Variants in RSRC1 observed in about 807,000 individuals in gnomAD.
RSRC1 encodes the protein arginine and serine rich coiled-coil 1, also known as serine/Arginine-related protein 53.
In RSRC1, 39 loss-of-function variants were observed where a neutral mutation model predicts 49.1. That is an observed-to-expected ratio of 0.79 (90% CI 0.61 to 1.04). The LOEUF (loss-of-function observed/expected upper bound fraction) is 1.04, where lower values mean the gene tolerates loss of function less well. RSRC1 is among the 50% of genes least tolerant of loss of function. The probability of loss-of-function intolerance (pLI) is 0.00; values close to 1 mark genes in which losing one functional copy is unlikely to be tolerated. For missense variants in RSRC1, 388 were observed against 402.4 expected (o/e 0.96, Z 0.31); for synonymous variants, 143 against 130.8 (o/e 1.09, Z -0.63).
At chr3:158,443,568 G>A (rs1736502484) in intron 6 of RSRC1, among the ~76,000 whole-genome samples, 1 of 152,112 alleles carries the variant, frequency 6.6e-6, no homozygotes, top group South Asian at 2.1e-4. Context: ...AAGCTTAATG[G>A]TATGGCTGGT....
intron 3 of RSRC1, among the ~76,000 whole-genome samples, chr3:158,159,053 A>G (rs2108222527): frequency 6.6e-6 from 1 of 152,104 alleles, no homozygotes; most frequent in Non-Finnish European, 1.5e-5. Flanking sequence ...AAGAATGTTG[A>G]GTATAGAGGA....
intron 6 of RSRC1, among the ~76,000 whole-genome samples, chr3:158,405,599 AGGCTTTTACAT>A (rs1734123419): frequency 6.6e-6 from 1 of 152,110 alleles, no homozygotes; most frequent in Admixed American, 6.6e-5. Context: ...GTCATGGGTA[AGGCTTTTACAT>A]GGAAACAAAG....
chr3:158,413,579 C>T (rs768715381), intron 6 of RSRC1, among the ~76,000 whole-genome samples: 5 of 151,628 alleles, frequency 3.3e-5, no homozygotes, highest in African/African-American at 9.7e-5. Context: ...AAAATTTTTG[C>T]AATCTATCCA....
chr3:158,379,467 T>C (rs1392445591), intron 6 of RSRC1, among the ~76,000 whole-genome samples: 5 of 152,126 alleles, frequency 3.3e-5, no homozygotes, highest in Non-Finnish European at 7.4e-5. Flanking sequence ...CCCAAAGTGC[T>C]GGGATTACAG....
At position 158,544,586 on chromosome 3, in the gene RSRC1, T is replaced by A. The variant is rs1019580121; in HGVS notation, c.*311T>A. The A allele has an allele frequency of 9.0e-5, 16 of 178,558 alleles. No homozygotes were observed. The highest frequency in any genetic ancestry group is 6.6e-4 in the Admixed American group (11 of 16,544). The allele number at this position is 178,558 out of a possible 1,614,324, so 11.1% of individuals were successfully genotyped here. ...TAGTGCAATTCAAAAAATGTCAAGA[T>A]GTCATTTAAAGACACAATTTTGATT... On this transcript the variant is annotated 3_prime_UTR_variant, in exon 10 of 10. Coordinates refer to ENST00000611884, the MANE Select transcript of RSRC1 (RefSeq NM_001271838.2).
intron 1 of RSRC1, chr3:158,110,705 C>T (rs1214942389): frequency 6.6e-6 from 1 of 152,518 alleles, no homozygotes; most frequent in African/African-American, 2.4e-5. Flanking sequence ...TCCGCCCTAC[C>T]CTTTCTGGCT....
intron 3 of RSRC1, among the ~76,000 whole-genome samples, chr3:158,150,057 T>C (rs866717400): frequency 1.1e-4 from 16 of 152,262 alleles, no homozygotes; most frequent in Middle Eastern, 3.2e-3. Flanking sequence ...TCTTCTCTTA[T>C]GTAAACTTTT....
At chr3:158,226,500 T>G (rs1722539255) in intron 4 of RSRC1, among the ~76,000 whole-genome samples, 1 of 151,994 alleles carries the variant, frequency 6.6e-6, no homozygotes, top group Non-Finnish European at 1.5e-5. Flanking sequence ...TTATATCCAT[T>G]GGTTCCCACC....
chr3:158,215,057 C>T (rs1409397175), intron 4 of RSRC1, among the ~76,000 whole-genome samples: 7 of 151,358 alleles, frequency 4.6e-5, no homozygotes, highest in Non-Finnish European at 7.4e-5. Context: ...TATTTTTTAG[C>T]GCTTTTGTTT....
At chr3:158,344,015 G>A (rs1454037155) in intron 5 of RSRC1, among the ~76,000 whole-genome samples, 8 of 152,148 alleles carry the variant, frequency 5.3e-5, no homozygotes, top group Admixed American at 1.3e-4. Context: ...GATGGCTTAC[G>A]TCTGTAATCC....
At chr3:158,457,323 A>C (rs1307445176) in intron 6 of RSRC1, among the ~76,000 whole-genome samples, 3 of 152,178 alleles carry the variant, frequency 2.0e-5, no homozygotes, top group Non-Finnish European at 4.4e-5. Flanking sequence ...GTACTGCATA[A>C]GGATAAGAGT....
In RSRC1 at chr3:158,543,336, C is replaced by G; in HGVS notation, c.761C>G (p.Ser254Ter). The G allele has an allele frequency of 1.3e-6, 2 of 1,552,132 alleles. No homozygotes were observed. Among genetic ancestry groups the G allele is most frequent in the Non-Finnish European group, 1.7e-6 (2 of 1,154,726 alleles). The change falls in exon 9 of 10, where the codon TCA becomes TGA. Residue 254 changes from serine to a stop codon, truncating the protein, a stop_gained and splice_region_variant. Transcript: ENST00000611884. LOFTEE classifies it high-confidence loss of function. Reference protein sequence around the residue: ...TFRSSKEVKKSVEPSEVKQAT... With the variant: ...TFRSSKEVKK ...ATTAATATGTGTTGTTTCTTTCAGT[C>G]AGTGGAACCTAGTGAAGTGAAACAA...
intron 7 of RSRC1, among the ~76,000 whole-genome samples, chr3:158,521,479 T>C (rs1711669576): frequency 6.6e-6 from 1 of 152,126 alleles, no homozygotes; most frequent in Admixed American, 6.6e-5. Flanking sequence ...CCTGTTTTCT[T>C]CTATGAAATA....
chr3:158,216,229 G>T, intron 4 of RSRC1, among the ~76,000 whole-genome samples: 1 of 150,666 alleles, frequency 6.6e-6, no homozygotes, highest in African/African-American at 2.4e-5. Context: ...AGAAGTTCTG[G>T]GTTTCTGGTT....
At chr3:158,230,116 C>A (rs1722868197) in intron 4 of RSRC1, among the ~76,000 whole-genome samples, 1 of 151,964 alleles carries the variant, frequency 6.6e-6, no homozygotes, top group African/African-American at 2.4e-5. Context: ...ATTTGTCTTT[C>A]ATTACCTTGA....
chr3:158,386,322 T>C (rs1004248214), intron 6 of RSRC1, among the ~76,000 whole-genome samples: 1 of 152,116 alleles, frequency 6.6e-6, no homozygotes, highest in South Asian at 2.1e-4. Flanking sequence ...TGTATGAATT[T>C]ATAACACTTG....
intron 5 of RSRC1, among the ~76,000 whole-genome samples, chr3:158,343,843 A>G (rs1730392933): frequency 6.6e-6 from 1 of 152,204 alleles, no homozygotes; most frequent in African/African-American, 2.4e-5. Context: ...CAACCATACA[A>G]TATACATGGA....
intron 4 of RSRC1, among the ~76,000 whole-genome samples, chr3:158,283,507 T>TA (rs899780366): frequency 4.4e-4 from 66 of 149,576 alleles, no homozygotes; most frequent in Non-Finnish European, 7.4e-4. Context: ...TAACATGATT[T>TA]AAAAAAAAAA....
intron 2 of RSRC1, among the ~76,000 whole-genome samples, chr3:158,123,299 G>T (rs1056422502): frequency 6.6e-6 from 1 of 152,132 alleles, no homozygotes; most frequent in African/African-American, 2.4e-5. Context: ...GAGCCACCGT[G>T]CCTGGCCTTA....
Sources: allele counts gnomAD v4.1 joint callset (sites outside exome capture counted in the v4.1 genomes callset), GRCh38; gene constraint gnomAD v4.1.1; transcripts MANE v1.5; gene names NCBI Gene and HGNC (gene_info 2026-07-23, HGNC 2026-07-21).